Variants in SH3GL3 observed in about 807,000 individuals in gnomAD.
The protein encoded by SH3GL3 is endophilin-A3.
In SH3GL3, 33 loss-of-function variants were observed where a neutral mutation model predicts 47.7. The ratio of observed to expected loss-of-function variants is 0.69; its 90% confidence interval spans 0.52 to 0.92. The LOEUF (loss-of-function observed/expected upper bound fraction) is 0.92. SH3GL3 is among the 40% of genes least tolerant of loss of function. The probability of loss-of-function intolerance (pLI) is 0.00; values close to 1 mark genes in which losing one functional copy is unlikely to be tolerated. For synonymous variants in SH3GL3, 155 were observed against 148.8 expected (o/e 1.04, Z -0.30); for missense variants, 363 against 417.8 (o/e 0.87, Z 1.14).
Position 83,481,755 on chromosome 15 carries a change from T to C in SH3GL3, c.45+34177T>C, listed in dbSNP as rs534602149. Among the ~76,000 whole-genome samples, 152 of 152,166 alleles carry C rather than the reference T, an allele frequency of 1.0e-3. 1 individual carries two copies. Among genetic ancestry groups the C allele is most frequent in the Non-Finnish European group, 1.7e-3 (114 of 68,030 alleles). ...CTCTTTTGACATGTGCAGAGAAATA[T>C]GTAATTTGGGTTGCATTGAAAGAAA... On this transcript the variant is annotated intron_variant, in intron 1 of 8. Transcript: ENST00000427482.
intron 5 of SH3GL3, 84 bp from the exon 6 acceptor site, chr15:83,576,499 C>T (rs1169447774): frequency 1.0e-5 from 13 of 1,302,590 alleles, no homozygotes; most frequent in Non-Finnish European, 1.4e-5. Flanking sequence ...CGAGAAAAAG[C>T]AATGACCATT....
chr15:83,567,422 C>G (rs1421963169), intron 3 of SH3GL3, among the ~76,000 whole-genome samples: 1 of 152,104 alleles, frequency 6.6e-6, no homozygotes, highest in African/African-American at 2.4e-5. Context: ...CTCTGGAGTC[C>G]CAGTAATGAG....
chr15:83,596,995 G>T (rs550573779), intron 8 of SH3GL3, among the ~76,000 whole-genome samples: 1 of 152,120 alleles, frequency 6.6e-6, no homozygotes, highest in Admixed American at 6.5e-5. Context: ...CATATCTATT[G>T]AATTTCTTAC....
At chr15:83,458,564 C>A (rs952837095) in intron 1 of SH3GL3, among the ~76,000 whole-genome samples, 2 of 152,222 alleles carry the variant, frequency 1.3e-5, no homozygotes, top group African/African-American at 4.8e-5. Context: ...CCTAGTGAAT[C>A]TGATATCCGA....
At chr15:83,544,733 C>T (rs887516548) in intron 1 of SH3GL3, among the ~76,000 whole-genome samples, 2 of 152,036 alleles carry the variant, frequency 1.3e-5, no homozygotes, top group Non-Finnish European at 2.9e-5. Context: ...CTTCAGCTTT[C>T]GTTTGTCTGG....
In SH3GL3 at chr15:83,559,471, G is replaced by C. The variant is rs1463845570; in HGVS notation, c.114+150G>C. On this transcript the variant is annotated intron_variant, in intron 2 of 8. Coordinates refer to ENST00000427482, the MANE Select transcript of SH3GL3 (RefSeq NM_003027.5). ...AATCTACAAGGCAGTACTTTCCCAC[G>C]TCCCAGCCCAAATCAGATCCTCCCC... 4 of 585,924 alleles carry C rather than the reference G, an allele frequency of 6.8e-6. No individual in the cohort carries two copies. The East Asian group carries it at 1.1e-4, about 17-fold the overall frequency. The allele number at this position is 585,924 out of a possible 1,614,324, so 36.3% of individuals were successfully genotyped here.
the SH3GL3 span, among the ~76,000 whole-genome samples, chr15:83,632,585 G>A: frequency 6.6e-6 from 1 of 152,240 alleles, no homozygotes; most frequent in African/African-American, 2.4e-5. Context: ...CAATCATGGT[G>A]GAAGGGGAAG....
At chr15:83,631,701 C>T in the SH3GL3 span, among the ~76,000 whole-genome samples, 50 of 152,284 alleles carry the variant, frequency 3.3e-4, no homozygotes, top group African/African-American at 1.0e-3. Context: ...TGCATAGAGC[C>T]GGTTGGGGGC....
the SH3GL3 span, among the ~76,000 whole-genome samples, chr15:83,624,279 G>A: frequency 6.6e-6 from 1 of 152,116 alleles, no homozygotes; most frequent in East Asian, 1.9e-4. Context: ...GACTATGCCT[G>A]GCCCCAGTGT....
At chr15:83,573,574 C>CT (rs2151772904) in intron 5 of SH3GL3, among the ~76,000 whole-genome samples, 1 of 152,326 alleles carries the variant, frequency 6.6e-6, no homozygotes, top group South Asian at 2.1e-4. Context: ...CCAGCCCATC[C>CT]TTTCCAGAAC....
chr15:83,555,671 G>C (rs2044914636), intron 1 of SH3GL3, among the ~76,000 whole-genome samples: 1 of 152,084 alleles, frequency 6.6e-6, no homozygotes, highest in African/African-American at 2.4e-5. Flanking sequence ...ATCAGACAGG[G>C]GTTTACATCT....
At chr15:83,449,445 C>T (rs1208436864) in intron 1 of SH3GL3, among the ~76,000 whole-genome samples, 2 of 152,206 alleles carry the variant, frequency 1.3e-5, no homozygotes, top group Non-Finnish European at 2.9e-5. Context: ...GCTTCCTTAG[C>T]ACTGGCAGGA....
chr15:83,588,605 G>A (rs2060011109), intron 7 of SH3GL3, 57 bp from the exon 8 acceptor site: 2 of 1,077,300 alleles, frequency 1.9e-6, no homozygotes, highest in South Asian at 1.3e-5. Context: ...GAGAGGATGT[G>A]TGTTTGGAAA....
intron 6 of SH3GL3, among the ~76,000 whole-genome samples, chr15:83,577,392 G>A (rs1292087432): frequency 1.3e-5 from 2 of 151,994 alleles, no homozygotes; most frequent in Non-Finnish European, 2.9e-5. Context: ...CAGACATCCA[G>A]CAAGCCCTGA....
chr15:83,579,662 G>A (rs1354441555), intron 6 of SH3GL3, among the ~76,000 whole-genome samples: 1 of 152,166 alleles, frequency 6.6e-6, no homozygotes, highest in Non-Finnish European at 1.5e-5. Flanking sequence ...GACACCCCAT[G>A]ATAAAGAGGC....
chr15:83,581,513 G>A (rs2059827432), intron 6 of SH3GL3, among the ~76,000 whole-genome samples: 1 of 152,182 alleles, frequency 6.6e-6, no homozygotes, highest in Non-Finnish European at 1.5e-5. Flanking sequence ...AGACCACAAA[G>A]CCAGATGACA....
rs2041523130 is a variant in SH3GL3 at position 83,484,862 on chromosome 15, C to A, written c.45+37284C>A. ...ACACCATATGTTTTCTGAGACTTTG[C>A]ATATTTAAAACATTTTTTTTGGTTG... On this transcript the variant is annotated intron_variant, in intron 1 of 8. Coordinates refer to ENST00000427482, the MANE Select transcript of SH3GL3 (RefSeq NM_003027.5). 2.6e-5 allele frequency among the ~76,000 whole-genome samples: 4 copies of A among 152,162 alleles called. No individual in the cohort carries two copies. In the South Asian group the frequency reaches 8.3e-4, roughly 31 times the overall value.
In SH3GL3 at chr15:83,618,339, C is replaced by T; in HGVS notation, c.*52C>T. ...TTTCGTAACTGAAATGAATTCACAC[C>T]AGTGTGCTCTCAGTGCGGTGTTCTG... is the stretch of plus-strand genomic sequence containing the variant. On this transcript the variant is annotated 3_prime_UTR_variant, in exon 9 of 9. Coordinates refer to ENST00000427482, the MANE Select transcript of SH3GL3 (RefSeq NM_003027.5). 1 of 1,165,574 alleles carries T rather than the reference C, an allele frequency of 8.6e-7. No individual in the cohort carries two copies. The highest frequency in any genetic ancestry group is 1.2e-5 in the South Asian group (1 of 81,286). 72.2% of individuals were successfully genotyped at this position (1,165,574 alleles called of 1,614,324 possible).
chr15:83,621,051 CCT>C (rs2060914308), downstream of SH3GL3, among the ~76,000 whole-genome samples: 1 of 152,174 alleles, frequency 6.6e-6, no homozygotes, highest in Non-Finnish European at 1.5e-5. Context: ...AGCTTTCTCA[CCT>C]CTCTCAACTC....
Sources: allele counts gnomAD v4.1 joint callset (sites outside exome capture counted in the v4.1 genomes callset), GRCh38; gene constraint gnomAD v4.1.1; transcripts MANE v1.5; gene names NCBI Gene and HGNC (gene_info 2026-07-23, HGNC 2026-07-21).